Variants in TBC1D9 observed in about 807,000 individuals in gnomAD.
TBC1D9 encodes TBC1 domain family member 9.
TBC1D9 carries 63 observed loss-of-function variants against 132.0 expected under a neutral mutation model. The observed-to-expected ratio is 0.48, with a 90% CI of 0.39 to 0.59. TBC1D9 has a LOEUF of 0.59. TBC1D9 is among the 20% of genes least tolerant of loss of function. TBC1D9 has a pLI of 0.00. For missense variants in TBC1D9, 1,261 were observed against 1,592.7 expected, an observed-to-expected ratio of 0.79 and a Z score of 3.54; for synonymous variants, 610 against 609.9, an observed-to-expected ratio of 1.00 and a Z score of 0.00.
chr4:140,661,075 T>C (rs964773855), intron 10 of TBC1D9, among the ~76,000 whole-genome samples: 5 of 152,048 alleles, frequency 3.3e-5, no homozygotes, highest in Non-Finnish European at 7.4e-5. Context: ...CCACCACGCC[T>C]GGCTAATTTT....
intron 2 of TBC1D9, among the ~76,000 whole-genome samples, chr4:140,693,000 G>A (rs577053833): frequency 1.3e-5 from 2 of 151,648 alleles, no homozygotes; most frequent in Non-Finnish European, 2.9e-5. Context: ...AGCCTGGCTT[G>A]CTCCACTCCA....
Position 140,621,703 on chromosome 4 carries a change from C to A in TBC1D9, c.*492G>T, listed in dbSNP as rs1236385061. The stretch of plus-strand genomic sequence containing the variant: ...TCAAATCTTAAAAATATTTTTAATA[C>A]TTCCTAAAGTGGTATAGGATTTACC... On this transcript the variant is annotated 3_prime_UTR_variant, in exon 21 of 21. Coordinates refer to ENST00000442267, the MANE Select transcript of TBC1D9 (RefSeq NM_015130.3). 6.6e-6 allele frequency: 1 copy of A among 152,244 alleles called. No homozygotes were observed. Among genetic ancestry groups the A allele is most frequent in the Non-Finnish European group, 1.5e-5 (1 of 68,066 alleles). The allele number at this position is 152,244 out of a possible 1,614,324, so 9.4% of individuals were successfully genotyped here.
chr4:140,694,734 A>G (rs9992972), intron 2 of TBC1D9, among the ~76,000 whole-genome samples: 4,835 of 149,316 alleles, frequency 0.032, 267 homozygotes, highest in African/African-American at 0.11. Flanking sequence ...CATAGTATAT[A>G]TTATATACCT....
At chr4:140,719,291 C>T (rs764943020) in intron 1 of TBC1D9, among the ~76,000 whole-genome samples, 4 of 152,124 alleles carry the variant, frequency 2.6e-5, no homozygotes, top group Non-Finnish European at 5.9e-5. Flanking sequence ...GCTAGTCTCC[C>T]AGGGCTGCTG....
chr4:140,655,140 C>T (rs916377316), intron 13 of TBC1D9, among the ~76,000 whole-genome samples: 3 of 151,958 alleles, frequency 2.0e-5, no homozygotes, highest in African/African-American at 7.3e-5. Flanking sequence ...AGTATAAAAA[C>T]ATACTTAAGG....
rs777740946 is a variant in TBC1D9 at position 140,679,623 on chromosome 4, C to T, written c.581G>A (p.Gly194Glu). The change falls in exon 4 of 21, where the codon GGA (glycine) becomes GAA (glutamate). Residue 194 changes from glycine (G) to glutamate (E), a missense_variant. By Grantham distance (98) the Gly-to-Glu change is moderately conservative (BLOSUM62 -2). Coordinates refer to ENST00000442267, the MANE Select transcript of TBC1D9 (RefSeq NM_015130.3). ...AATTTTAGATGACTTACCTTCCCTT[C>T]CCATAAGAAAAGAATAAAAGCAAAG... is the stretch of plus-strand genomic sequence containing the variant. ...NHLCFYSFLM[G>E]REAKLVIRWV... The T allele has an allele frequency of 2.5e-6, 4 of 1,612,376 alleles. No individual in the cohort carries two copies. Among genetic ancestry groups the T allele is most frequent in the Admixed American group, 3.3e-5 (2 of 59,892 alleles).
intron 1 of TBC1D9, among the ~76,000 whole-genome samples, chr4:140,726,867 C>G (rs534420292): frequency 6.6e-6 from 1 of 152,176 alleles, no homozygotes; most frequent in South Asian, 2.1e-4. Flanking sequence ...AATCATTTGC[C>G]CTTCTTTTGC....
At chr4:140,662,351 T>A (rs1290947964) in intron 9 of TBC1D9, among the ~76,000 whole-genome samples, 1 of 152,160 alleles carries the variant, frequency 6.6e-6, no homozygotes, top group East Asian at 1.9e-4. Flanking sequence ...AGGTAGAGGT[T>A]CCCAAGCTAC....
intron 1 of TBC1D9, among the ~76,000 whole-genome samples, chr4:140,726,331 C>T (rs758174922): frequency 2.0e-5 from 3 of 151,978 alleles, no homozygotes; most frequent in African/African-American, 7.2e-5. Context: ...TATATTTGTG[C>T]CTGTGTCAAA....
At chr4:140,699,017 T>C (rs1283666953) in intron 2 of TBC1D9, among the ~76,000 whole-genome samples, 1 of 152,162 alleles carries the variant, frequency 6.6e-6, no homozygotes. Flanking sequence ...AGACCAAATA[T>C]AATTGTCTTT....
intron 16 of TBC1D9, among the ~76,000 whole-genome samples, chr4:140,632,262 G>GT (rs11375011): frequency 0.59 from 86,896 of 147,324 alleles, 25,898 homozygotes; most frequent in South Asian, 0.69. Flanking sequence ...TTGCCCAAAG[G>GT]TTTTTTTTTT....
intron 9 of TBC1D9, among the ~76,000 whole-genome samples, chr4:140,665,233 A>C (rs1737425592): frequency 1.3e-5 from 2 of 152,204 alleles, no homozygotes; most frequent in South Asian, 4.1e-4. Flanking sequence ...CAAAGGAAAA[A>C]ATAGACAAAT....
At chr4:140,655,322 T>C (rs1737250569) in intron 13 of TBC1D9, among the ~76,000 whole-genome samples, 1 of 152,228 alleles carries the variant, frequency 6.6e-6, no homozygotes, top group African/African-American at 2.4e-5. Context: ...TCTCTTATTA[T>C]GAGTTAAGGA....
intron 9 of TBC1D9, among the ~76,000 whole-genome samples, chr4:140,662,360 A>G (rs1737375755): frequency 6.6e-6 from 1 of 152,198 alleles, no homozygotes; most frequent in South Asian, 2.1e-4. Flanking sequence ...TTCCCAAGCT[A>G]CAAAACCATG....
At chr4:140,633,252 T>C (rs1736826796) in intron 16 of TBC1D9, among the ~76,000 whole-genome samples, 1 of 152,264 alleles carries the variant, frequency 6.6e-6, no homozygotes, top group African/African-American at 2.4e-5. Context: ...TCTGGCATAA[T>C]GCCTGCTATA....
At chr4:140,654,264 T>C (rs1016308690) in intron 13 of TBC1D9, among the ~76,000 whole-genome samples, 5 of 152,104 alleles carry the variant, frequency 3.3e-5, no homozygotes, top group African/African-American at 1.2e-4. Context: ...CTAATCCCGG[T>C]TGGCTAAACA....
intron 9 of TBC1D9, among the ~76,000 whole-genome samples, chr4:140,663,696 A>G (rs974194096): frequency 6.6e-6 from 1 of 152,228 alleles, no homozygotes; most frequent in Admixed American, 6.5e-5. Context: ...AAAATGGGAT[A>G]CTATATTCAG....
intron 13 of TBC1D9, chr4:140,643,257 G>T (rs897974708): frequency 7.6e-7 from 1 of 1,308,874 alleles, no homozygotes; most frequent in Non-Finnish European, 1.1e-6. Context: ...CTCCAGCTCT[G>T]CGATCTCGCT....
Position 140,640,332 on chromosome 4 carries a change from TG to T in TBC1D9, c.2338-905del, listed in dbSNP as rs762213827. Among the ~76,000 whole-genome samples, 25 of 149,888 alleles carry T rather than the reference TG, an allele frequency of 1.7e-4. 1 individual carries two copies. Among genetic ancestry groups the T allele is most frequent in the Admixed American group, 6.7e-5 (1 of 14,906 alleles). ...GGGTATCACATGTTGTGTGAAAAGG[TG>T]GGGAAGAGGGAACAGTCAACTCTGC... is the stretch of plus-strand genomic sequence containing the variant. On this transcript the variant is annotated intron_variant, in intron 13 of 20. Transcript: ENST00000442267.
Sources: allele counts gnomAD v4.1 joint callset (sites outside exome capture counted in the v4.1 genomes callset), GRCh38; gene constraint gnomAD v4.1.1; transcripts MANE v1.5; gene names NCBI Gene and HGNC (gene_info 2026-07-23, HGNC 2026-07-21).